The following WDR70 variants were observed in gnomAD, a reference collection of about 807,000 sequenced individuals.
The protein encoded by WDR70 is WD repeat domain 70, also known as WD repeat-containing protein 70.
In WDR70, 53 loss-of-function variants were observed where a neutral mutation model predicts 88.6. The ratio of observed to expected loss-of-function variants is 0.60; its 90% CI spans 0.48 to 0.75. WDR70 has a LOEUF of 0.75. WDR70 is among the 30% of genes least tolerant of loss of function. The probability of loss-of-function intolerance (pLI) is 0.00; values close to 1 mark genes in which losing one functional copy is unlikely to be tolerated. For missense variants in WDR70, 610 were observed against 823.2 expected (o/e 0.74, Z 3.17); for synonymous variants, 280 against 270.0 (o/e 1.04, Z -0.36).
intron 7 of WDR70, among the ~76,000 whole-genome samples, chr5:37,478,545 A>G (rs1739556855): frequency 6.6e-6 from 1 of 152,212 alleles, no homozygotes; most frequent in African/African-American, 2.4e-5. Flanking sequence ...TTTGGGGTCA[A>G]TCCCTGTGAG....
intron 5 of WDR70, among the ~76,000 whole-genome samples, chr5:37,421,114 C>A (rs535466289): frequency 4.6e-5 from 7 of 152,100 alleles, no homozygotes; most frequent in Non-Finnish European, 8.8e-5. Flanking sequence ...AACTAGTATT[C>A]GGAAGTGCTA....
chr5:37,728,779 T>C (rs1748061117), intron 17 of WDR70, among the ~76,000 whole-genome samples: 1 of 152,190 alleles, frequency 6.6e-6, no homozygotes, highest in Non-Finnish European at 1.5e-5. Context: ...TTTAAGACTA[T>C]GCAAATCCTG....
At chr5:37,619,917 G>GTTTTTTTTTTTT (rs35802405) in intron 10 of WDR70, 1 of 120,092 alleles carries the variant, frequency 8.3e-6, no homozygotes. Flanking sequence ...TATTTACCAG[G>GTTTTTTTTTTTT]TTTTTTTTTT....
intron 13 of WDR70, among the ~76,000 whole-genome samples, chr5:37,714,350 C>G (rs1747596499): frequency 6.6e-6 from 1 of 152,064 alleles, no homozygotes; most frequent in African/African-American, 2.4e-5. Flanking sequence ...GTAAAGGAGC[C>G]CAGGTCTGTG....
chr5:37,469,278 CATCCTGCTGATACAGGACCAAAGG>C (rs1739256443), intron 7 of WDR70, among the ~76,000 whole-genome samples: 3 of 152,120 alleles, frequency 2.0e-5, no homozygotes, highest in Non-Finnish European at 4.4e-5. Flanking sequence ...ACCCGAAAAG[CATCCTGCTGATACAGGACCAAAGG>C]ATCCTCTTGT....
intron 9 of WDR70, among the ~76,000 whole-genome samples, chr5:37,587,001 A>G (rs561860208): frequency 6.6e-5 from 10 of 152,250 alleles, no homozygotes; most frequent in South Asian, 4.2e-4. Context: ...GAATAGTACC[A>G]TGACTCTAGC....
chr5:37,475,297 G>A (rs1460268507), intron 7 of WDR70, among the ~76,000 whole-genome samples: 16 of 151,774 alleles, frequency 1.1e-4, no homozygotes, highest in Admixed American at 9.8e-4. Context: ...GTGCAATGGC[G>A]CAATCTGGCT....
intron 8 of WDR70, among the ~76,000 whole-genome samples, chr5:37,505,328 A>G (rs776074087): frequency 1.3e-4 from 20 of 152,274 alleles, no homozygotes; most frequent in Admixed American, 1.3e-4. Context: ...GTATCTTCCT[A>G]TGCTTGTGCC....
chr5:37,717,982 T>G (rs2112689816), intron 13 of WDR70, among the ~76,000 whole-genome samples: 1 of 152,348 alleles, frequency 6.6e-6, no homozygotes, highest in South Asian at 2.1e-4. Flanking sequence ...AAGTATCCTC[T>G]GCCTAAATCA....
intron 9 of WDR70, among the ~76,000 whole-genome samples, chr5:37,595,078 A>G (rs775284373): frequency 4.8e-4 from 73 of 152,304 alleles, no homozygotes; most frequent in Non-Finnish European, 8.4e-4. Flanking sequence ...CAATCATGTC[A>G]TCTGCGAACA....
intron 9 of WDR70, among the ~76,000 whole-genome samples, chr5:37,559,165 C>T (rs1354178861): frequency 4.6e-5 from 7 of 152,118 alleles, no homozygotes; most frequent in Admixed American, 4.6e-4. Flanking sequence ...AACTCCTGAC[C>T]TTGTAACCTA....
chr5:37,533,091 G>T (rs555039093), intron 9 of WDR70, among the ~76,000 whole-genome samples: 3 of 152,162 alleles, frequency 2.0e-5, no homozygotes, highest in Non-Finnish European at 4.4e-5. Flanking sequence ...GGGTGTGTCC[G>T]CAAAGAGTCC....
At position 37,394,709 on chromosome 5, in the gene WDR70, G is replaced by A. The variant is rs541691875; in HGVS notation, c.297-1666G>A. On this transcript the variant is annotated intron_variant, in intron 4 of 17. Coordinates refer to ENST00000265107, the MANE Select transcript of WDR70 (RefSeq NM_018034.4). ...AAACTCCAAAGATGAGAAAGAGGCC[G>A]TGTAACAATCTATGGGAAGGGTAAG... 5.3e-5 allele frequency among the ~76,000 whole-genome samples: 8 copies of A among 152,296 alleles called. No homozygotes were observed. The East Asian group carries it at 7.7e-4, about 15-fold the overall frequency.
intron 8 of WDR70, among the ~76,000 whole-genome samples, chr5:37,490,319 G>C (rs561647979): frequency 1.3e-5 from 2 of 152,242 alleles, no homozygotes; most frequent in East Asian, 3.9e-4. Context: ...TAGGCAGGGA[G>C]AGTCTATCCT....
chr5:37,749,224 T>C (rs565171687), intron 17 of WDR70, among the ~76,000 whole-genome samples: 1 of 152,338 alleles, frequency 6.6e-6, no homozygotes, highest in African/African-American at 2.4e-5. Flanking sequence ...CCGTCAGTGA[T>C]AGACTGGATA....
At chr5:37,610,265 CAA>C (rs869283967) in intron 10 of WDR70, among the ~76,000 whole-genome samples, 14,339 of 79,204 alleles carry the variant, frequency 0.18, 2,240 homozygotes, top group African/African-American at 0.44. Context: ...GACTCCGTCT[CAA>C]AAAAAAAAAA....
chr5:37,506,220 G>GCAACTCCAACCAA, intron 8 of WDR70: 1 of 967,636 alleles, frequency 1.0e-6, no homozygotes. Context: ...TGACTTGGTT[G>GCAACTCCAACCAA]GAGTTGCTAT....
intron 5 of WDR70, among the ~76,000 whole-genome samples, chr5:37,402,944 G>GATTTTTTT (rs1749243841): frequency 1.2e-5 from 1 of 84,372 alleles, no homozygotes; most frequent in African/African-American, 5.1e-5. Context: ...CCCTCCCTCC[G>GATTTTTTT]TTTTTTTTTT....
At chr5:37,551,646 C>A (rs1019347313) in intron 9 of WDR70, among the ~76,000 whole-genome samples, 2 of 148,070 alleles carry the variant, frequency 1.4e-5, no homozygotes, top group African/African-American at 5.0e-5. Flanking sequence ...GAGAATCGCT[C>A]GAACCCAGGA....
Sources: gnomAD v4.1 joint callset for allele counts (sites outside exome capture counted in the v4.1 genomes callset) on GRCh38, gnomAD v4.1.1 for gene constraint, MANE v1.5 for transcripts, NCBI Gene and HGNC (gene_info 2026-07-23, HGNC 2026-07-21) for gene names.